FNDC3A: variants seen among roughly 807,000 people sequenced by gnomAD.
FNDC3A encodes the protein fibronectin type-III domain-containing protein 3A.
FNDC3A carries 32 observed loss-of-function variants against 148.9 expected under a neutral mutation model. That is an observed-to-expected ratio of 0.21 (90% CI 0.16 to 0.29). The LOEUF (loss-of-function observed/expected upper bound fraction) is 0.29. FNDC3A is among the 10% of genes least tolerant of loss of function. FNDC3A has a pLI of 1.00. For missense variants in FNDC3A, 1,191 were observed against 1,452.8 expected (o/e 0.82, Z 2.93); for synonymous variants, 472 against 473.6 (o/e 1.00, Z 0.04).
chr13:49,161,597 C>T (rs910861394), intron 8 of FNDC3A, among the ~76,000 whole-genome samples: 1 of 152,088 alleles, frequency 6.6e-6, no homozygotes, highest in Non-Finnish European at 1.5e-5. Context: ...GGCATTTAGT[C>T]CATTTACATT....
intron 18 of FNDC3A, 41 bp downstream of exon 18, chr13:49,191,161 C>G (rs761706610): frequency 1.9e-6 from 3 of 1,603,550 alleles, no homozygotes; most frequent in South Asian, 1.1e-5. Flanking sequence ...TAAGCTAGAA[C>G]AGGAAGTATT....
chr13:49,169,225 A>T (rs1884634402), intron 10 of FNDC3A, among the ~76,000 whole-genome samples: 1 of 152,224 alleles, frequency 6.6e-6, no homozygotes, highest in Non-Finnish European at 1.5e-5. Context: ...AAGTGGACAG[A>T]TACCATACAT....
chr13:48,980,887 G>GA (rs1951682858), intron 1 of FNDC3A, among the ~76,000 whole-genome samples: 1 of 152,120 alleles, frequency 6.6e-6, no homozygotes, highest in South Asian at 2.1e-4. Context: ...TTAGGTGCTG[G>GA]AAAAAGTACA....
At chr13:49,135,594 T>C (rs1024856775) in intron 5 of FNDC3A, among the ~76,000 whole-genome samples, 6 of 152,210 alleles carry the variant, frequency 3.9e-5, no homozygotes, top group Admixed American at 6.5e-5. Context: ...AAAAATACTG[T>C]ACTAATTTTC....
At chr13:49,034,294 A>G (rs930638634) in intron 2 of FNDC3A, among the ~76,000 whole-genome samples, 2 of 151,974 alleles carry the variant, frequency 1.3e-5, no homozygotes, top group Admixed American at 6.5e-5. Flanking sequence ...AAGAAACATA[A>G]CTCTTTTACA....
intron 4 of FNDC3A, among the ~76,000 whole-genome samples, chr13:49,121,087 A>C (rs1881310022): frequency 6.6e-6 from 1 of 152,200 alleles, no homozygotes; most frequent in Non-Finnish European, 1.5e-5. Flanking sequence ...CTCACCACAT[A>C]ATTGGAAGTA....
Position 49,201,975 on chromosome 13 carries a change from T to G in FNDC3A, c.3154+9T>G, listed in dbSNP as rs371408228. On this transcript the variant is annotated intron_variant, in intron 24 of 25. Transcript: ENST00000492622. Reference sequence around the variant, plus strand: ...CCCAGCTGCCTTGAAAGGTAAGTTATACATCCTGAACTTATTTTCTTTATA... The same window carrying G: ...CCCAGCTGCCTTGAAAGGTAAGTTAGACATCCTGAACTTATTTTCTTTATA... 8 of 1,505,892 alleles carry G rather than the reference T, an allele frequency of 5.3e-6. No homozygotes were observed. The highest frequency in any genetic ancestry group is 1.4e-5 in the African/African-American group (1 of 70,032). 93.3% of individuals were successfully genotyped at this position (1,505,892 alleles called of 1,614,324 possible). A position where few individuals can be genotyped will look rare whatever the true frequency, so the allele number is the denominator to read the frequency against.
chr13:49,163,250 G>GAGGC (rs1370084336), intron 8 of FNDC3A, among the ~76,000 whole-genome samples: 1 of 152,230 alleles, frequency 6.6e-6, no homozygotes, highest in African/African-American at 2.4e-5. Context: ...GGAGTCTACA[G>GAGGC]AGGCAGGCAG....
intron 23 of FNDC3A, 106 bp from the exon 24 acceptor site, chr13:49,201,694 C>A: frequency 2.0e-6 from 1 of 498,154 alleles, no homozygotes; most frequent in Non-Finnish European, 3.4e-6. Context: ...TAACTTATCA[C>A]TCCTAAATAA....
At position 49,008,170 on chromosome 13, in the gene FNDC3A, A is replaced by G. The variant is rs117074771; in HGVS notation, c.99+1881A>G. Among the ~76,000 whole-genome samples, 835 of 152,300 alleles carry G rather than the reference A, an allele frequency of 5.5e-3. 5 individuals are homozygous for G. Among genetic ancestry groups the G allele is most frequent in the Non-Finnish European group, 8.7e-3 (592 of 68,014 alleles). On this transcript the variant is annotated intron_variant, in intron 2 of 25. Coordinates refer to ENST00000492622, the MANE Select transcript of FNDC3A (RefSeq NM_001079673.2). Reference sequence around the variant, plus strand: ...TTTAGATATCCCAGTCAGGATTTCAATAAATAGAGATAGTTATAATAAGCA... The same window carrying G: ...TTTAGATATCCCAGTCAGGATTTCAGTAAATAGAGATAGTTATAATAAGCA...
At chr13:48,978,129 C>G (rs1202181891) in intron 1 of FNDC3A, among the ~76,000 whole-genome samples, 1 of 152,060 alleles carries the variant, frequency 6.6e-6, no homozygotes, top group East Asian at 1.9e-4. Context: ...TTCACTTCCT[C>G]TATCTGTGTG....
intron 14 of FNDC3A, among the ~76,000 whole-genome samples, chr13:49,185,316 T>C (rs2138088911): frequency 6.6e-6 from 1 of 152,292 alleles, no homozygotes; most frequent in Middle Eastern, 3.4e-3. Context: ...GAGAACCAGC[T>C]TAACTGGGTA....
chr13:48,990,708 G>A (rs1204458475), intron 1 of FNDC3A, among the ~76,000 whole-genome samples: 1 of 151,952 alleles, frequency 6.6e-6, no homozygotes, highest in African/African-American at 2.4e-5. Flanking sequence ...ATTGCAGTGA[G>A]CTGAGATCAC....
At position 49,198,042 on chromosome 13, in the gene FNDC3A, T is replaced by C; in HGVS notation, c.2551T>C (p.Ser851Pro). The C allele has an allele frequency of 6.2e-7, 1 of 1,614,140 alleles. No individual in the cohort carries two copies. The highest frequency in any genetic ancestry group is 1.1e-5 in the South Asian group (1 of 91,088). Residue 851 changes from serine to proline, a missense_variant, in exon 22 of 26, where the codon TCA becomes CCA. Ser to Pro is a moderately conservative substitution (Grantham distance 74, BLOSUM62 -1). Around this residue, in one of 3 missense-constraint regions of FNDC3A, gnomAD observed 751 missense variants for 944.0 expected, o/e 0.80. Coordinates refer to ENST00000492622, the MANE Select transcript of FNDC3A (RefSeq NM_001079673.2). ...AGTAGTAGCCTGTGTGACTCCACCA[T>C]CAGTTCCTGGCATTGTGACCTGTCT... ...SEVVACVTPP[S>P]VPGIVTCLQE...
At chr13:49,086,247 T>C (rs1208748187) in intron 3 of FNDC3A, among the ~76,000 whole-genome samples, 1 of 152,176 alleles carries the variant, frequency 6.6e-6, no homozygotes, top group Non-Finnish European at 1.5e-5. Context: ...GGTTTATTTA[T>C]AGAAGATGGT....
chr13:49,079,771 T>G (rs1878352411), intron 3 of FNDC3A, among the ~76,000 whole-genome samples: 1 of 152,178 alleles, frequency 6.6e-6, no homozygotes, highest in Non-Finnish European at 1.5e-5. Flanking sequence ...AGGTGGGGAC[T>G]GGGGAAGAAT....
At chr13:49,016,888 C>A (rs2137629361) in intron 2 of FNDC3A, among the ~76,000 whole-genome samples, 1 of 150,722 alleles carries the variant, frequency 6.6e-6, no homozygotes, top group Non-Finnish European at 1.5e-5. Context: ...GCAGGTTGTT[C>A]AGTTTCCATG....
At chr13:49,188,678 C>T (rs761049937) in intron 17 of FNDC3A, 45 bp downstream of exon 17, 1 of 1,270,826 alleles carries the variant, frequency 7.9e-7, no homozygotes. Flanking sequence ...TTAAGTTTGG[C>T]CAAATGGGGT....
chr13:49,174,798 A>G (rs1044753089), intron 12 of FNDC3A, among the ~76,000 whole-genome samples: 1 of 152,204 alleles, frequency 6.6e-6, no homozygotes, highest in Non-Finnish European at 1.5e-5. Context: ...TTAGATTTTT[A>G]TATGTGACAA....
Sources: allele counts gnomAD v4.1 joint callset (sites outside exome capture counted in the v4.1 genomes callset), GRCh38; gene constraint gnomAD v4.1.1; regional missense constraint gnomAD v4.1.1; transcripts MANE v1.5; gene names NCBI Gene and HGNC (gene_info 2026-07-23, HGNC 2026-07-21).